Variants in LDLRAD3 observed in about 807,000 individuals in gnomAD.
LDLRAD3 encodes low density lipoprotein receptor class A domain containing 3.
LDLRAD3 carries 20 observed loss-of-function variants against 29.4 expected under a neutral mutation model. That is an observed-to-expected ratio of 0.68 (90% CI 0.48 to 0.99). The LOEUF (loss-of-function observed/expected upper bound fraction) is 0.99. LDLRAD3 is among the 50% of genes least tolerant of loss of function. The pLI is 0.00. For missense variants in LDLRAD3, 420 were observed against 454.3 expected, an observed-to-expected ratio of 0.92 and a Z score of 0.69; for synonymous variants, 157 against 192.7, an observed-to-expected ratio of 0.81 and a Z score of 1.53.
chr11:35,969,689 G>A (rs549225514), intron 1 of LDLRAD3, among the ~76,000 whole-genome samples: 5 of 152,178 alleles, frequency 3.3e-5, no homozygotes, highest in Non-Finnish European at 7.3e-5. Context: ...AGGCTTTGCT[G>A]AGCTGGAATG....
Position 36,114,829 on chromosome 11 carries a change from GTCTT to G in LDLRAD3, c.454+16373_454+16376del, listed in dbSNP as rs1684217904. On this transcript the variant is annotated intron_variant, in intron 4 of 5. Coordinates refer to ENST00000315571, the MANE Select transcript of LDLRAD3 (RefSeq NM_174902.4). ...CCCTATCCACAGCCCTGTTACTTCT[GTCTT>G]TCTTCCACTCTCAGTGCAGCAATTT... Among the ~76,000 whole-genome samples, 9 of 152,138 alleles carry G rather than the reference GTCTT, an allele frequency of 5.9e-5. 2 individuals carry two copies. Among genetic ancestry groups the G allele is most frequent in the African/African-American group, 2.2e-4 (9 of 41,508 alleles).
At chr11:36,176,870 C>G (rs1197104918) in intron 4 of LDLRAD3, among the ~76,000 whole-genome samples, 3 of 152,158 alleles carry the variant, frequency 2.0e-5, no homozygotes, top group African/African-American at 7.2e-5. Context: ...TCTAGCAAGG[C>G]CAGGGAAGTT....
intron 4 of LDLRAD3, among the ~76,000 whole-genome samples, chr11:36,179,542 A>G (rs933805591): frequency 1.3e-5 from 2 of 152,298 alleles, no homozygotes; most frequent in African/African-American, 2.4e-5. Context: ...GTTCATTGCT[A>G]CTAAAACACC....
chr11:36,209,634 A>C (rs1275486318), intron 4 of LDLRAD3, among the ~76,000 whole-genome samples: 1 of 152,158 alleles, frequency 6.6e-6, no homozygotes, highest in African/African-American at 2.4e-5. Flanking sequence ...CTGGGATTAC[A>C]GGTGTGAACC....
At chr11:36,133,800 G>A (rs1005344715) in intron 4 of LDLRAD3, among the ~76,000 whole-genome samples, 4 of 151,974 alleles carry the variant, frequency 2.6e-5, no homozygotes, top group Non-Finnish European at 5.9e-5. Flanking sequence ...GCCTCCCAAA[G>A]TGTTGGTATT....
chr11:36,057,918 G>T (rs558679750), intron 2 of LDLRAD3, among the ~76,000 whole-genome samples: 2 of 152,188 alleles, frequency 1.3e-5, no homozygotes, highest in Admixed American at 6.5e-5. Context: ...AAGAAATCTT[G>T]TGCAAGTCAC....
At chr11:36,022,860 A>G (rs1054195097) in intron 1 of LDLRAD3, among the ~76,000 whole-genome samples, 4 of 152,308 alleles carry the variant, frequency 2.6e-5, no homozygotes, top group African/African-American at 9.6e-5. Flanking sequence ...GTCTCTTGCA[A>G]AGGTAAATTG....
intron 1 of LDLRAD3, among the ~76,000 whole-genome samples, chr11:35,952,407 T>C (rs1277748967): frequency 2.0e-5 from 3 of 152,198 alleles, no homozygotes; most frequent in Non-Finnish European, 2.9e-5. Context: ...TAGAGAGCCA[T>C]TGGAGTGGGG....
intron 1 of LDLRAD3, among the ~76,000 whole-genome samples, chr11:36,034,480 G>A (rs984744154): frequency 2.0e-5 from 3 of 152,188 alleles, no homozygotes; most frequent in Admixed American, 6.5e-5. Flanking sequence ...GCAGGGTAGA[G>A]CCCCTCATTG....
intron 2 of LDLRAD3, among the ~76,000 whole-genome samples, chr11:36,078,452 C>T (rs956232344): frequency 1.4e-4 from 21 of 152,212 alleles, no homozygotes; most frequent in Admixed American, 9.8e-4. Context: ...ACTTGTGTGT[C>T]AGTGCTGCCC....
intron 4 of LDLRAD3, among the ~76,000 whole-genome samples, chr11:36,169,958 C>T (rs145583281): frequency 2.4e-4 from 36 of 152,154 alleles, no homozygotes; most frequent in African/African-American, 8.0e-4. Flanking sequence ...AATTCTGGTA[C>T]ACCTATCACC....
At chr11:36,091,206 C>T (rs957859912) in intron 3 of LDLRAD3, among the ~76,000 whole-genome samples, 14 of 152,046 alleles carry the variant, frequency 9.2e-5, no homozygotes, top group African/African-American at 3.4e-4. Flanking sequence ...ATGGAGAAGC[C>T]GATGGGAATT....
At position 35,964,578 on chromosome 11, in the gene LDLRAD3, G is replaced by A. The variant is rs981418134; in HGVS notation, c.46+20434G>A. Among the ~76,000 whole-genome samples, 100 of 152,322 alleles carry A rather than the reference G, an allele frequency of 6.6e-4. 2 individuals carry two copies. Among genetic ancestry groups the A allele is most frequent in the African/African-American group, 2.3e-3 (96 of 41,568 alleles). On this transcript the variant is annotated intron_variant, in intron 1 of 5. Transcript: ENST00000315571. ...TTTGGAGGCTGTCGTCTGTCTGAGT[G>A]TAACCAGGGCCTGGTCTAGGCTGTC...
chr11:36,000,125 G>T (rs1851804809), intron 1 of LDLRAD3, among the ~76,000 whole-genome samples: 1 of 151,996 alleles, frequency 6.6e-6, no homozygotes, highest in African/African-American at 2.4e-5. Flanking sequence ...TAAAAGGAAG[G>T]ATCTATATGG....
chr11:36,000,106 T>C (rs564303959), intron 1 of LDLRAD3, among the ~76,000 whole-genome samples: 8 of 152,230 alleles, frequency 5.3e-5, no homozygotes, highest in African/African-American at 1.9e-4. Flanking sequence ...AAGGAGACTT[T>C]AGAGTAGGTA....
chr11:35,975,118 C>G (rs1482954459), intron 1 of LDLRAD3, among the ~76,000 whole-genome samples: 4 of 152,168 alleles, frequency 2.6e-5, no homozygotes, highest in African/African-American at 9.7e-5. Context: ...CATATGCTGC[C>G]TGCTGACTTC....
chr11:36,125,919 A>G (rs1019457875), intron 4 of LDLRAD3, among the ~76,000 whole-genome samples: 5 of 151,416 alleles, frequency 3.3e-5, no homozygotes, highest in African/African-American at 1.2e-4. Context: ...GCAAAAGGCT[A>G]CCCCCCTTGG....
chr11:35,986,969 G>A (rs920276782), intron 1 of LDLRAD3, among the ~76,000 whole-genome samples: 2 of 152,178 alleles, frequency 1.3e-5, no homozygotes, highest in Admixed American at 6.5e-5. Context: ...CTCACACCGG[G>A]CTGTCTGCCT....
chr11:36,221,473 C>T (rs551361113), intron 4 of LDLRAD3, among the ~76,000 whole-genome samples: 1 of 152,064 alleles, frequency 6.6e-6, no homozygotes, highest in African/African-American at 2.4e-5. Context: ...GCCTGAACCC[C>T]AAGAAGCACC....
Sources: allele counts gnomAD v4.1 joint callset (sites outside exome capture counted in the v4.1 genomes callset), GRCh38; gene constraint gnomAD v4.1.1; transcripts MANE v1.5; gene names NCBI Gene and HGNC (gene_info 2026-07-23, HGNC 2026-07-21).